The following DARS1 variants were observed in gnomAD, a reference collection of about 807,000 sequenced individuals.
DARS1 encodes the protein aspartate--tRNA ligase, cytoplasmic.
Under a neutral mutation model 68.8 loss-of-function variants are expected in DARS1, and 51 were observed. The observed-to-expected ratio is 0.74, with a 90% confidence interval of 0.59 to 0.94. The LOEUF (loss-of-function observed/expected upper bound fraction) is 0.94. Ranked by LOEUF, DARS1 falls within the 40% of genes least tolerant of loss-of-function variation. DARS1 has a pLI of 0.00. For missense variants in DARS1, 607 were observed against 597.3 expected, an observed-to-expected ratio of 1.02 and a Z score of -0.17; for synonymous variants, 203 against 190.4, an observed-to-expected ratio of 1.07 and a Z score of -0.55.
At chr2:135,962,357 C>T (rs181382160) in intron 3 of DARS1, among the ~76,000 whole-genome samples, 96 of 152,300 alleles carry the variant, frequency 6.3e-4, no homozygotes, top group Non-Finnish European at 8.5e-4. Context: ...TGGGAAATTA[C>T]TTCTTCATAA....
chr2:135,920,345 A>AT, intron 10 of DARS1, 108 bp downstream of exon 10: 3 of 1,435,068 alleles, frequency 2.1e-6, no homozygotes, highest in Admixed American at 5.3e-5. Context: ...ATCTTTATAT[A>AT]TATGTTCATA....
rs1032678441 is a variant in DARS1 at position 135,957,224 on chromosome 2, C to G, written c.320+4172G>C. Among the ~76,000 whole-genome samples, 11 of 151,592 alleles carry G rather than the reference C, an allele frequency of 7.3e-5. No homozygotes were observed. The East Asian group carries it at 1.6e-3, about 22-fold the overall frequency. On this transcript the variant is annotated intron_variant, in intron 4 of 15. Coordinates refer to ENST00000264161, the MANE Select transcript of DARS1 (RefSeq NM_001349.4). ...CGACTACAGGTGCATGCAGCCATAT[C>G]CTACTAATTTTTTTTTTTTTTGAGA...
chr2:135,958,119 C>T (rs1248617600), intron 4 of DARS1, among the ~76,000 whole-genome samples: 1 of 152,102 alleles, frequency 6.6e-6, no homozygotes, highest in East Asian at 1.9e-4. Context: ...AACCAAAATT[C>T]TGCAAAGAGT....
chr2:135,985,622 A>C lies in DARS1; in HGVS notation c.-154T>G, dbSNP rs1170441188. 2.3e-5 allele frequency: 34 copies of C among 1,478,288 alleles called. No individual in the cohort carries two copies. The highest frequency in any genetic ancestry group is 3.1e-5 in the Non-Finnish European group (34 of 1,104,652). The allele number at this position is 1,478,288 out of a possible 1,614,324, so 91.6% of individuals were successfully genotyped here. ...CTCCGCGTGGAGGTGCGGCTCCAGA[A>C]AGATCGCGAGAGCTGCGGCTATCTC... On this transcript the variant is annotated 5_prime_UTR_variant, in exon 1 of 16. Transcript: ENST00000264161.
chr2:135,983,520 A>C, intron 1 of DARS1, 66 bp from the exon 2 acceptor site: 1 of 645,020 alleles, frequency 1.6e-6, no homozygotes, highest in East Asian at 2.9e-5. Context: ...AAACACATAA[A>C]TACTAATAAT....
chr2:135,969,457 T>C (rs1558798673), intron 3 of DARS1, among the ~76,000 whole-genome samples: 1 of 152,126 alleles, frequency 6.6e-6, no homozygotes, highest in Admixed American at 6.5e-5. Context: ...TATCATTATT[T>C]CTGTATTCTT....
chr2:135,949,793 T>C (rs377323405), intron 4 of DARS1, among the ~76,000 whole-genome samples: 7 of 152,340 alleles, frequency 4.6e-5, no homozygotes, highest in South Asian at 4.1e-4. Flanking sequence ...TATTGATGAA[T>C]TGGATATTCC....
At chr2:135,947,834 A>AC (rs1477711883) in intron 4 of DARS1, among the ~76,000 whole-genome samples, 1 of 151,950 alleles carries the variant, frequency 6.6e-6, no homozygotes, top group African/African-American at 2.4e-5. Context: ...AAAAAAAAAA[A>AC]AACAAAAAAA....
chr2:135,933,194 T>G (rs1186183976), intron 6 of DARS1, among the ~76,000 whole-genome samples: 1 of 152,238 alleles, frequency 6.6e-6, no homozygotes, highest in African/African-American at 2.4e-5. Context: ...AGATAAAAGC[T>G]GACATAGAGT....
Position 135,925,674 on chromosome 2 carries a change from T to A in DARS1, c.565-1176A>T, listed in dbSNP as rs1179764149. On this transcript the variant is annotated intron_variant, in intron 7 of 15. Transcript: ENST00000264161. ...AATAAAACCATTTCAAAGGTCTTTA[T>A]AATTTATTAGATTACTTACTCATTT... Among the ~76,000 whole-genome samples the A allele has an allele frequency of 4.6e-5, 7 of 152,234 alleles. No individual in the cohort carries two copies. In the South Asian group the frequency reaches 8.3e-4, roughly 18 times the overall value.
intron 7 of DARS1, among the ~76,000 whole-genome samples, chr2:135,931,103 G>T (rs1681333827): frequency 6.6e-6 from 1 of 152,216 alleles, no homozygotes. Flanking sequence ...ACTAGAACCT[G>T]ACGGAGGATA....
intron 2 of DARS1, 140 bp from the exon 3 acceptor site, chr2:135,979,506 C>T (rs1682575645): frequency 3.3e-6 from 2 of 601,642 alleles, no homozygotes; most frequent in South Asian, 4.4e-5. Flanking sequence ...ACAACACTGT[C>T]TTCTCTATCA....
chr2:135,953,269 G>A (rs533799658), intron 4 of DARS1, among the ~76,000 whole-genome samples: 2 of 152,316 alleles, frequency 1.3e-5, no homozygotes, highest in African/African-American at 2.4e-5. Context: ...TGGTACAAGT[G>A]TCTAACAAAG....
At chr2:135,971,771 A>G (rs1682375395) in intron 3 of DARS1, among the ~76,000 whole-genome samples, 1 of 152,208 alleles carries the variant, frequency 6.6e-6, no homozygotes, top group Non-Finnish European at 1.5e-5. Context: ...CAACATATAA[A>G]TGTCAGTAGC....
chr2:135,938,805 G>C (rs1681529979), intron 5 of DARS1, among the ~76,000 whole-genome samples: 1 of 152,052 alleles, frequency 6.6e-6, no homozygotes, highest in Non-Finnish European at 1.5e-5. Flanking sequence ...AAAATAAAGG[G>C]ATGGAGGAAG....
At chr2:135,953,621 T>C (rs939269337) in intron 4 of DARS1, among the ~76,000 whole-genome samples, 31 of 152,200 alleles carry the variant, frequency 2.0e-4, no homozygotes, top group Admixed American at 3.3e-4. Context: ...ACTATCAAAA[T>C]TTTTCTTATT....
At chr2:135,970,177 G>A (rs1437689503) in intron 3 of DARS1, among the ~76,000 whole-genome samples, 1 of 150,970 alleles carries the variant, frequency 6.6e-6, no homozygotes. Flanking sequence ...AAGAGTTGGA[G>A]GCTGCAGTGC....
intron 4 of DARS1, among the ~76,000 whole-genome samples, chr2:135,954,325 C>CAAAAAAAAAAAACAA (rs1681913278): frequency 1.2e-5 from 1 of 81,476 alleles, no homozygotes; most frequent in African/African-American, 4.7e-5. Flanking sequence ...AAAACAAAAC[C>CAAAAAAAAAAAACAA]AAAAAAAAAA....
intron 7 of DARS1, among the ~76,000 whole-genome samples, chr2:135,928,233 C>T (rs1447646109): frequency 6.6e-6 from 1 of 152,068 alleles, no homozygotes; most frequent in Non-Finnish European, 1.5e-5. Context: ...GTAGAGAATT[C>T]CTGTTCATTT....
Sources: allele counts gnomAD v4.1 joint callset (sites outside exome capture counted in the v4.1 genomes callset), GRCh38; gene constraint gnomAD v4.1.1; transcripts MANE v1.5; gene names NCBI Gene and HGNC (gene_info 2026-07-23, HGNC 2026-07-21).